Variants in RBFOX1 observed in about 807,000 individuals in gnomAD.
RBFOX1 encodes the protein RNA binding fox-1 homolog 1.
RBFOX1 carries 8 observed loss-of-function variants against 57.7 expected under a neutral mutation model. The ratio of observed to expected loss-of-function variants is 0.14; its 90% CI spans 0.08 to 0.25. The LOEUF is 0.25. RBFOX1 is among the 10% of genes least tolerant of loss of function. The probability of loss-of-function intolerance (pLI) is 1.00; values close to 1 mark genes in which losing one functional copy is unlikely to be tolerated. For missense variants in RBFOX1, 611 were observed against 548.5 expected (o/e 1.11, Z -1.14); for synonymous variants, 326 against 222.4 (o/e 1.47, Z -4.15).
At chr16:5,650,502 G>A (rs1380883015) in intron 3 of RBFOX1, among the ~76,000 whole-genome samples, 3 of 152,192 alleles carry the variant, frequency 2.0e-5, no homozygotes, top group Non-Finnish European at 1.5e-5. Flanking sequence ...AAACGGGAGT[G>A]TGATTAGTTA....
At chr16:7,548,038 A>G (rs1444726405) in intron 5 of RBFOX1, among the ~76,000 whole-genome samples, 1 of 152,220 alleles carries the variant, frequency 6.6e-6, no homozygotes, top group Non-Finnish European at 1.5e-5. Context: ...ACACTCTGTA[A>G]ACAGAAAATA....
At chr16:6,571,275 G>A (rs1015339157) in intron 2 of RBFOX1, among the ~76,000 whole-genome samples, 3 of 152,190 alleles carry the variant, frequency 2.0e-5, no homozygotes, top group African/African-American at 7.2e-5. Context: ...GAGGGCCTGA[G>A]AACCACAGCA....
chr16:5,774,710 T>A (rs967477263), intron 3 of RBFOX1, among the ~76,000 whole-genome samples: 1 of 152,184 alleles, frequency 6.6e-6, no homozygotes, highest in Non-Finnish European at 1.5e-5. Flanking sequence ...TTAGATAAAG[T>A]CTCACTCTCT....
intron 3 of RBFOX1, among the ~76,000 whole-genome samples, chr16:7,042,114 C>G (rs990487851): frequency 1.3e-5 from 2 of 152,172 alleles, no homozygotes; most frequent in Admixed American, 6.5e-5. Context: ...TATACTGGTT[C>G]TTACCTCAAT....
At chr16:6,433,029 G>A (rs1273942171) in intron 2 of RBFOX1, among the ~76,000 whole-genome samples, 1 of 152,194 alleles carries the variant, frequency 6.6e-6, no homozygotes. Context: ...TAATCATGCT[G>A]TCTTACTTGT....
chr16:6,722,741 C>G (rs17141084), intron 3 of RBFOX1, among the ~76,000 whole-genome samples: 6,993 of 152,186 alleles, frequency 0.046, 425 homozygotes, highest in Admixed American at 0.12. Flanking sequence ...AATTAAGGGC[C>G]CCGTTCATCA....
intron 3 of RBFOX1, among the ~76,000 whole-genome samples, chr16:7,029,376 G>T (rs2042208530): frequency 1.3e-5 from 2 of 150,696 alleles, no homozygotes; most frequent in African/African-American, 4.9e-5. Flanking sequence ...GAAGAAAGCT[G>T]ATGCGTCACA....
chr16:6,614,123 CA>C (rs1178946527), intron 2 of RBFOX1, among the ~76,000 whole-genome samples: 2 of 152,042 alleles, frequency 1.3e-5, no homozygotes, highest in South Asian at 4.2e-4. Flanking sequence ...TTGGAATTCC[CA>C]AAAAATATTG....
chr16:7,037,265 G>C (rs1390475318), intron 3 of RBFOX1, among the ~76,000 whole-genome samples: 1 of 105,368 alleles, frequency 9.5e-6, no homozygotes, highest in African/African-American at 4.0e-5. Context: ...TTGAGATGGA[G>C]TTTTGCTCTT....
intron 1 of RBFOX1, among the ~76,000 whole-genome samples, chr16:5,290,379 T>A (rs2151171808): frequency 6.6e-6 from 1 of 152,066 alleles, no homozygotes; most frequent in East Asian, 1.9e-4. Flanking sequence ...TGTCAGGGCT[T>A]AGTGGGAGGA....
intron 4 of RBFOX1, among the ~76,000 whole-genome samples, chr16:7,196,246 T>C (rs1434238886): frequency 6.6e-6 from 1 of 152,146 alleles, no homozygotes; most frequent in African/African-American, 2.4e-5. Flanking sequence ...ATTTAGTGCT[T>C]GTGTGCATGG....
intron 2 of RBFOX1, among the ~76,000 whole-genome samples, chr16:5,564,759 A>T (rs548735004): frequency 1.3e-5 from 2 of 152,172 alleles, no homozygotes; most frequent in Non-Finnish European, 2.9e-5. Context: ...TATCAAGTTC[A>T]TCATGGTCTT....
At chr16:7,492,504 C>G (rs1340470930) in intron 4 of RBFOX1, among the ~76,000 whole-genome samples, 1 of 152,126 alleles carries the variant, frequency 6.6e-6, no homozygotes, top group Non-Finnish European at 1.5e-5. Flanking sequence ...CATATGACAG[C>G]CACTAGCCAC....
chr16:5,730,617 C>G (rs76607408), intron 3 of RBFOX1, among the ~76,000 whole-genome samples: 30,930 of 151,958 alleles, frequency 0.2, 5,420 homozygotes, highest in African/African-American at 0.47. Context: ...GCCGTTGTCA[C>G]CACTGTCACC....
intron 4 of RBFOX1, among the ~76,000 whole-genome samples, chr16:7,092,130 A>G (rs890477181): frequency 3.9e-5 from 6 of 152,234 alleles, no homozygotes; most frequent in Non-Finnish European, 8.8e-5. Context: ...ATGTTTTTAT[A>G]ACATGCACAC....
At chr16:7,589,856 A>G (rs576763128) in intron 7 of RBFOX1, among the ~76,000 whole-genome samples, 21 of 148,978 alleles carry the variant, frequency 1.4e-4, no homozygotes, top group African/African-American at 5.2e-4. Flanking sequence ...CTTGCCTTTC[A>G]TTCTCTAGAG....
intron 4 of RBFOX1, among the ~76,000 whole-genome samples, chr16:5,924,559 C>G (rs968343039): frequency 1.3e-5 from 2 of 152,186 alleles, no homozygotes; most frequent in African/African-American, 4.8e-5. Flanking sequence ...TCTGTACTCA[C>G]CAACTCCCCT....
intron 2 of RBFOX1, among the ~76,000 whole-genome samples, chr16:6,378,004 G>A (rs1036109847): frequency 1.1e-4 from 16 of 152,164 alleles, no homozygotes; most frequent in African/African-American, 3.6e-4. Context: ...AAATCCAAAC[G>A]AGGTGATCTA....
chr16:7,512,595 G>A (rs916121261), intron 4 of RBFOX1, among the ~76,000 whole-genome samples: 4 of 152,184 alleles, frequency 2.6e-5, no homozygotes, highest in African/African-American at 9.6e-5. Context: ...CATGTTCCTG[G>A]ATGCTAACTG....
Sources: gnomAD v4.1 joint callset for allele counts (sites outside exome capture counted in the v4.1 genomes callset) on GRCh38, gnomAD v4.1.1 for gene constraint, MANE v1.5 for transcripts, NCBI Gene and HGNC (gene_info 2026-07-23, HGNC 2026-07-21) for gene names.